Variants in PDE3A observed in about 807,000 individuals in gnomAD.
The protein encoded by PDE3A is cGMP-inhibited 3',5'-cyclic phosphodiesterase 3A.
In PDE3A, 43 loss-of-function variants were observed where a neutral mutation model predicts 98.3. The observed-to-expected ratio is 0.44, with a 90% confidence interval of 0.34 to 0.56. PDE3A has a LOEUF of 0.56. Among genes scored for constraint, PDE3A ranks in the 20% least tolerant of loss-of-function variants. PDE3A has a pLI of 0.01. For synonymous variants in PDE3A, 663 were observed against 567.9 expected (o/e 1.17, Z -2.38); for missense variants, 1,427 against 1,440.7 (o/e 0.99, Z 0.15).
intron 14 of PDE3A, among the ~76,000 whole-genome samples, chr12:20,651,652 A>C (rs1316290820): frequency 6.6e-6 from 1 of 152,226 alleles, no homozygotes; most frequent in African/African-American, 2.4e-5. Flanking sequence ...TCCAAAAAAT[A>C]GGCTGAGACA....
chr12:20,569,042 G>A (rs1942730256), intron 2 of PDE3A, among the ~76,000 whole-genome samples: 1 of 151,940 alleles, frequency 6.6e-6, no homozygotes, highest in African/African-American at 2.4e-5. Flanking sequence ...GTATAAATGG[G>A]TTATTCTAAA....
chr12:20,584,941 G>A (rs1255123259), intron 2 of PDE3A, among the ~76,000 whole-genome samples: 1 of 152,088 alleles, frequency 6.6e-6, no homozygotes, highest in Non-Finnish European at 1.5e-5. Context: ...TTATGATTAG[G>A]CAAGGCACTC....
chr12:20,665,959 C>CTTTTTTTTT (rs35859257), intron 15 of PDE3A, among the ~76,000 whole-genome samples: 6 of 94,978 alleles, frequency 6.3e-5, no homozygotes, highest in Non-Finnish European at 1.0e-4. Flanking sequence ...TTTGTCATTT[C>CTTTTTTTTT]TTTTTTTTTT....
chr12:20,523,638 T>C (rs1357537172), intron 1 of PDE3A, among the ~76,000 whole-genome samples: 1 of 152,232 alleles, frequency 6.6e-6, no homozygotes, highest in African/African-American at 2.4e-5. Flanking sequence ...TAGACCTTGA[T>C]ATTTTCTGAT....
Position 20,648,792 on chromosome 12 carries a change from C to T in PDE3A, c.2670C>T (p.Asp890=). ...RPEYNFLINL[D]HVEFKHFRFL... is the part of the protein sequence containing the mutation. The stretch of plus-strand genomic sequence containing the variant: ...AGTATAACTTCTTAATTAACCTTGA[C>T]CATGTGGAATTTAAGCATTTCCGTT... Residue 890 remains aspartate, a synonymous_variant, in exon 13 of 16, where the codon GAC becomes GAT. Transcript: ENST00000359062. 1 of 1,612,914 alleles carries T rather than the reference C, an allele frequency of 6.2e-7. No individual in the cohort carries two copies.
At chr12:20,545,606 A>G (rs887126227) in intron 1 of PDE3A, among the ~76,000 whole-genome samples, 15 of 152,100 alleles carry the variant, frequency 9.9e-5, no homozygotes, top group Middle Eastern at 3.4e-3. Context: ...TGTTCCTGCT[A>G]ATTTGTCTGA....
In PDE3A at chr12:20,552,301, A is replaced by C; in HGVS notation, c.961-4359A>C. On this transcript the variant is annotated intron_variant, in intron 1 of 15. Coordinates refer to ENST00000359062, the MANE Select transcript of PDE3A (RefSeq NM_000921.5). The surrounding 1 kb of genome is among the most constrained non-coding windows in gnomAD (Gnocchi z 5.1). The stretch of plus-strand genomic sequence containing the variant: ...CGCTGAGGGCAACCGCTACGATGGC[A>C]TCTACAAGGTTGTGAAATACTGGCC... 6.2e-7 allele frequency: 1 copy of C among 1,613,890 alleles called. No homozygotes were observed. Among genetic ancestry groups the C allele is most frequent in the Non-Finnish European group, 8.5e-7 (1 of 1,179,878 alleles).
intron 8 of PDE3A, among the ~76,000 whole-genome samples, chr12:20,635,349 G>C (rs985975898): frequency 6.6e-6 from 1 of 151,952 alleles, no homozygotes; most frequent in Non-Finnish European, 1.5e-5. Context: ...GGAGTATCAC[G>C]AGGTCAGCAA....
chr12:20,513,891 T>C (rs547171188), intron 1 of PDE3A, among the ~76,000 whole-genome samples: 5 of 152,326 alleles, frequency 3.3e-5, no homozygotes, highest in African/African-American at 7.2e-5. Context: ...CTTAAAGTAC[T>C]GTTAACTTTT....
intron 1 of PDE3A, among the ~76,000 whole-genome samples, chr12:20,461,639 T>C (rs1486404371): frequency 6.6e-6 from 1 of 152,166 alleles, no homozygotes; most frequent in Non-Finnish European, 1.5e-5. Flanking sequence ...CTCTAGGTAA[T>C]GTATATTAAG....
Position 20,685,045 on chromosome 12 carries a change from A to G in PDE3A, c.*4774A>G, listed in dbSNP as rs1397769987. ...TTTGACCTTACCTAATGGTGCTTTT[A>G]CCTAACTTGAAGTGCTTTTTGTGTT... On this transcript the variant is annotated 3_prime_UTR_variant, in exon 16 of 16. Coordinates refer to ENST00000359062, the MANE Select transcript of PDE3A (RefSeq NM_000921.5). Among the ~76,000 whole-genome samples the G allele has an allele frequency of 6.6e-6, 1 of 152,152 alleles. No individual in the cohort carries two copies. Among genetic ancestry groups the G allele is most frequent in the African/African-American group, 2.4e-5 (1 of 41,442 alleles).
chr12:20,631,984 A>G (rs912212880), intron 6 of PDE3A, among the ~76,000 whole-genome samples: 9 of 152,150 alleles, frequency 5.9e-5, no homozygotes, highest in Non-Finnish European at 1.0e-4. Context: ...GTTGAATCCC[A>G]GTCTCTTGGC....
chr12:20,423,654 A>G (rs535704330), intron 1 of PDE3A, among the ~76,000 whole-genome samples: 1 of 152,226 alleles, frequency 6.6e-6, no homozygotes, highest in South Asian at 2.1e-4. Flanking sequence ...TGAGTGGCTA[A>G]TCTGTGCTTT....
chr12:20,668,499 T>G (rs1335679160), intron 15 of PDE3A, among the ~76,000 whole-genome samples: 1 of 152,136 alleles, frequency 6.6e-6, no homozygotes, highest in Admixed American at 6.5e-5. Context: ...CAGCTGGAGA[T>G]CTGAGAACAG....
chr12:20,439,280 A>T (rs781558908), intron 1 of PDE3A, among the ~76,000 whole-genome samples: 1 of 152,214 alleles, frequency 6.6e-6, no homozygotes, highest in South Asian at 2.1e-4. Flanking sequence ...AGACTCACTC[A>T]GTTGGAAAGT....
chr12:20,621,206 A>G (rs908091625), intron 4 of PDE3A, 90 bp from the exon 5 acceptor site: 1 of 718,356 alleles, frequency 1.4e-6, no homozygotes, highest in Non-Finnish European at 2.5e-6. Context: ...CTATTAGAGA[A>G]ATGATGGTTG....
intron 4 of PDE3A, among the ~76,000 whole-genome samples, chr12:20,620,790 A>T (rs1944113905): frequency 6.7e-6 from 1 of 149,644 alleles, no homozygotes; most frequent in Non-Finnish European, 1.5e-5. Context: ...ATTTGACTAG[A>T]TCATTTCCGT....
intron 1 of PDE3A, among the ~76,000 whole-genome samples, chr12:20,461,964 G>A (rs898335711): frequency 1.3e-5 from 2 of 152,162 alleles, no homozygotes; most frequent in Non-Finnish European, 2.9e-5. Flanking sequence ...GGAAGGAAAA[G>A]AGATGAAGTG....
chr12:20,509,417 G>A (rs1189292993), intron 1 of PDE3A, among the ~76,000 whole-genome samples: 5 of 151,862 alleles, frequency 3.3e-5, no homozygotes. Context: ...CCCTACATTA[G>A]TTTCTGTTGC....
Sources: gnomAD v4.1 joint callset for allele counts (sites outside exome capture counted in the v4.1 genomes callset) on GRCh38, gnomAD v4.1.1 for gene constraint, Gnocchi (gnomAD v3.1) non-coding constraint, MANE v1.5 for transcripts, NCBI Gene and HGNC (gene_info 2026-07-23, HGNC 2026-07-21) for gene names.